ASNS: variants seen among roughly 807,000 people sequenced by gnomAD.
The protein encoded by ASNS is asparagine synthetase (glutamine-hydrolyzing).
A neutral mutation model predicts 62.6 loss-of-function variants in ASNS; 37 were observed. The ratio of observed to expected loss-of-function variants is 0.59; its 90% CI spans 0.45 to 0.78. ASNS has a LOEUF of 0.78. ASNS is among the 30% of genes least tolerant of loss of function. ASNS has a pLI of 0.00. For missense variants in ASNS, 520 were observed against 682.4 expected (o/e 0.76, Z 2.65); for synonymous variants, 207 against 237.9 (o/e 0.87, Z 1.19).
the ASNS span, among the ~76,000 whole-genome samples, chr7:97,879,707 T>G: frequency 6.6e-6 from 1 of 152,152 alleles, no homozygotes; most frequent in Non-Finnish European, 1.5e-5. Context: ...TGGCTGACAT[T>G]ATGGTTGCAG....
At chr7:97,921,058 C>T in the ASNS span, among the ~76,000 whole-genome samples, 2 of 152,124 alleles carry the variant, frequency 1.3e-5, no homozygotes, top group African/African-American at 4.8e-5. Flanking sequence ...TTCTCTTCCC[C>T]ATACAAAAAT....
At chr7:97,912,802 A>C in the ASNS span, among the ~76,000 whole-genome samples, 1 of 150,224 alleles carries the variant, frequency 6.7e-6, no homozygotes, top group Non-Finnish European at 1.5e-5. Context: ...GGCTGGTATC[A>C]AACTCCTGGC....
intron 4 of ASNS, among the ~76,000 whole-genome samples, chr7:97,860,177 TGAGCTACACAACCCG>T (rs1362831275): frequency 6.6e-6 from 1 of 152,096 alleles, no homozygotes; most frequent in Non-Finnish European, 1.5e-5. Context: ...AGAGCTCAAG[TGAGCTACACAACCCG>T]GATAGGGAAT....
the ASNS span, among the ~76,000 whole-genome samples, chr7:97,901,050 A>G: frequency 1.3e-5 from 2 of 152,260 alleles, no homozygotes; most frequent in Non-Finnish European, 2.9e-5. Context: ...GTGGGTATGA[A>G]GCACAAAACA....
chr7:97,896,891 A>G, the ASNS span, among the ~76,000 whole-genome samples: 19 of 150,530 alleles, frequency 1.3e-4, no homozygotes, highest in Admixed American at 3.3e-4. Context: ...GATTTTCAAG[A>G]AAGCTGTCAA....
the ASNS span, chr7:97,898,715 T>C: frequency 3.1e-6 from 2 of 653,502 alleles, no homozygotes; most frequent in East Asian, 5.3e-5. Context: ...ACAAAACAGA[T>C]GAAAGAAGTA....
chr7:97,907,333 G>A, the ASNS span, among the ~76,000 whole-genome samples: 10 of 152,092 alleles, frequency 6.6e-5, no homozygotes, highest in Middle Eastern at 3.2e-3. Flanking sequence ...GTGATTCCCC[G>A]ACAAATTATC....
chr7:97,882,362 C>T, the ASNS span, among the ~76,000 whole-genome samples: 3 of 152,156 alleles, frequency 2.0e-5, no homozygotes, highest in African/African-American at 7.2e-5. Flanking sequence ...TGCTGGCCAA[C>T]ATGGTGAAAC....
chr7:97,927,487 A>G, the ASNS span, among the ~76,000 whole-genome samples: 428 of 152,380 alleles, frequency 2.8e-3, no homozygotes, highest in Non-Finnish European at 5.1e-3. Context: ...AAGGAGGGGC[A>G]GAACCAGGAT....
At chr7:97,852,804 GCT>G in intron 12 of ASNS, among the ~76,000 whole-genome samples, 1 of 152,246 alleles carries the variant, frequency 6.6e-6, no homozygotes, top group South Asian at 2.1e-4. Flanking sequence ...GATTCTAGAT[GCT>G]ACTTTATAAT....
chr7:97,904,317 C>CACACACACACACAG, the ASNS span, among the ~76,000 whole-genome samples: 21 of 146,624 alleles, frequency 1.4e-4, no homozygotes, highest in African/African-American at 4.8e-4. Context: ...CACACACACA[C>CACACACACACACAG]AGAGAGAGAG....
At chr7:97,879,910 T>TC in the ASNS span, among the ~76,000 whole-genome samples, 10 of 152,200 alleles carry the variant, frequency 6.6e-5, no homozygotes, top group African/African-American at 2.4e-4. Flanking sequence ...AGCTCTGATT[T>TC]CAGAGTTGTG....
chr7:97,926,232 A>T, the ASNS span, among the ~76,000 whole-genome samples: 8 of 152,056 alleles, frequency 5.3e-5, no homozygotes, highest in Non-Finnish European at 1.2e-4. Flanking sequence ...CAGTCACATT[A>T]AAACCTCAGC....
At chr7:97,880,758 C>T in the ASNS span, among the ~76,000 whole-genome samples, 3 of 152,212 alleles carry the variant, frequency 2.0e-5, no homozygotes, top group East Asian at 5.8e-4. Flanking sequence ...AGAAGTAAAA[C>T]ATGAACAAGT....
chr7:97,920,937 G>A, the ASNS span, among the ~76,000 whole-genome samples: 19 of 152,282 alleles, frequency 1.2e-4, no homozygotes, highest in Admixed American at 1.1e-3. Context: ...CAAGACAGCC[G>A]GCCTCACTGG....
At position 97,858,878 on chromosome 7, in the gene ASNS, T is replaced by G. The variant is rs1451864949; in HGVS notation, c.751A>C (p.Arg251=). Residue 251 remains arginine, a synonymous_variant, in exon 6 of 13, where the codon AGA becomes CGA. Coordinates refer to ENST00000394308, the MANE Select transcript of ASNS (RefSeq NM_001673.5). ...NAVKKRLMTD[R]RIGCLLSGGL... The stretch of plus-strand genomic sequence containing the variant: ...CCTGATAAAAGGCAGCCAATCCTTC[T>G]GTCTGTCATCAAACGTTTCTTTACA... 5.6e-6 allele frequency: 9 copies of G among 1,613,000 alleles called. No homozygotes were observed. In the African/African-American group the frequency reaches 1.2e-4, roughly 22 times the overall value.
upstream of ASNS, among the ~76,000 whole-genome samples, chr7:97,876,396 A>G (rs528600152): frequency 9.0e-4 from 136 of 151,578 alleles, 1 homozygote; most frequent in South Asian, 0.028. Flanking sequence ...GTGTTGGGAT[A>G]GCCCAGTGGT....
the ASNS span, among the ~76,000 whole-genome samples, chr7:97,883,383 GT>G: frequency 6.6e-6 from 1 of 152,084 alleles, no homozygotes; most frequent in African/African-American, 2.4e-5. Flanking sequence ...ACTTGGGTAT[GT>G]TTTTCTTCTC....
At chr7:97,896,602 G>GA in the ASNS span, among the ~76,000 whole-genome samples, 4 of 106,656 alleles carry the variant, frequency 3.8e-5, no homozygotes, top group African/African-American at 1.0e-4. Context: ...ATCTCAAAAA[G>GA]AAAAAAAAAA....
Sources: allele counts gnomAD v4.1 joint callset (sites outside exome capture counted in the v4.1 genomes callset), GRCh38; gene constraint gnomAD v4.1.1; transcripts MANE v1.5; gene names NCBI Gene and HGNC (gene_info 2026-07-23, HGNC 2026-07-21).